Variants in SCARB1 observed in about 807,000 individuals in gnomAD.
SCARB1 encodes the protein CD36 and LIMPII analogous 1.
SCARB1 carries 30 observed loss-of-function variants against 57.2 expected under a neutral mutation model. The ratio of observed to expected loss-of-function variants is 0.52; its 90% CI spans 0.39 to 0.71. The LOEUF is 0.71. SCARB1 is among the 30% of genes least tolerant of loss of function. The pLI, the probability that SCARB1 is intolerant of heterozygous loss-of-function variation, is 0.00. For synonymous variants in SCARB1, 249 were observed against 268.3 expected, an observed-to-expected ratio of 0.93 and a Z score of 0.70; for missense variants, 543 against 671.2, an observed-to-expected ratio of 0.81 and a Z score of 2.11.
At chr12:124,848,889 C>A (rs918914158) in intron 1 of SCARB1, among the ~76,000 whole-genome samples, 1 of 152,254 alleles carries the variant, frequency 6.6e-6, no homozygotes, top group Non-Finnish European at 1.5e-5. Context: ...TTTCAGCAAA[C>A]TGCTGACAGA....
At position 124,810,105 on chromosome 12, in the gene SCARB1, A is replaced by G. The variant is rs1950467386; in HGVS notation, c.842+69T>C. On this transcript the variant is annotated intron_variant, in intron 6 of 12. Transcript: ENST00000261693. The surrounding 1 kb of genome is among the most constrained non-coding windows in gnomAD (Gnocchi z 4.0). Reference sequence around the variant, plus strand: ...GAGTCAAAATGCTTTCCAAGTGCACAGCCAACACCACAGAATTTGGCCATG... The same window carrying G: ...GAGTCAAAATGCTTTCCAAGTGCACGGCCAACACCACAGAATTTGGCCATG... 2 of 962,122 alleles carry G rather than the reference A, an allele frequency of 2.1e-6. No homozygotes were observed. The highest frequency in any genetic ancestry group is 2.6e-5 in the South Asian group (2 of 76,108). 59.6% of individuals were successfully genotyped at this position (962,122 alleles called of 1,614,324 possible).
intron 11 of SCARB1, chr12:124,785,978 CT>C: frequency 2.3e-6 from 3 of 1,296,812 alleles, no homozygotes; most frequent in Non-Finnish European, 3.1e-6. Flanking sequence ...CTCAATCCCC[CT>C]GAGCAGGGAT....
At chr12:124,859,024 G>A (rs961301661) in intron 1 of SCARB1, among the ~76,000 whole-genome samples, 5 of 152,250 alleles carry the variant, frequency 3.3e-5, no homozygotes, top group Admixed American at 2.6e-4. Flanking sequence ...ATAGGTGCAT[G>A]CCACCATGCA....
At chr12:124,844,890 A>G (rs1952078666) in intron 1 of SCARB1, among the ~76,000 whole-genome samples, 1 of 145,840 alleles carries the variant, frequency 6.9e-6, no homozygotes, top group African/African-American at 2.6e-5. Flanking sequence ...ATCTCGGCTC[A>G]CTGCAACCTC....
chr12:124,779,509 G>A (rs568443602), intron 12 of SCARB1, among the ~76,000 whole-genome samples: 4 of 152,320 alleles, frequency 2.6e-5, no homozygotes, highest in Admixed American at 2.6e-4. Flanking sequence ...CCCAGGGAAC[G>A]AGTGAAACCA....
chr12:124,789,867 C>T lies in SCARB1; in HGVS notation c.1203-2410G>A, dbSNP rs556344341. On this transcript the variant is annotated intron_variant, in intron 9 of 12. Transcript: ENST00000261693. This position sits in a 1 kb window ranked among gnomAD's most constrained non-coding sequence, Gnocchi z 4.4. ...CTCTACTAAAAATATAAAAATTGGCCGGACGTGGTGGCACATGCCTGTAAT... is the reference window on the plus strand; with the variant it reads ...CTCTACTAAAAATATAAAAATTGGCTGGACGTGGTGGCACATGCCTGTAAT... 1.3e-5 allele frequency among the ~76,000 whole-genome samples: 2 copies of T among 151,576 alleles called. No individual in the cohort carries two copies. The highest frequency in any genetic ancestry group is 6.6e-5 in the Admixed American group (1 of 15,230).
In SCARB1 at chr12:124,807,701, C is replaced by T; in HGVS notation, c.1009+60G>A. 1 of 1,553,274 alleles carries T rather than the reference C, an allele frequency of 6.4e-7. No individual in the cohort carries two copies. On this transcript the variant is annotated intron_variant, in intron 7 of 12. Transcript: ENST00000261693. The surrounding 1 kb of genome is among the most constrained non-coding windows in gnomAD (Gnocchi z 5.3). ...AAGCAGACAGCACTGGGCAGATAAA[C>T]CCTCAGCTGGCCCCACCCTCACACC...
At chr12:124,799,494 C>A (rs766362482) in intron 8 of SCARB1, among the ~76,000 whole-genome samples, 4 of 151,792 alleles carry the variant, frequency 2.6e-5, no homozygotes, top group Non-Finnish European at 5.9e-5. Context: ...GCCACTGCAC[C>A]CCAGCCTGGG....
chr12:124,853,376 G>A (rs1952498506), intron 1 of SCARB1, among the ~76,000 whole-genome samples: 1 of 146,784 alleles, frequency 6.8e-6, no homozygotes, highest in African/African-American at 2.5e-5. Context: ...AAATGATCCA[G>A]TTTGCATAGT....
At chr12:124,831,311 T>C (rs574093703) in intron 1 of SCARB1, among the ~76,000 whole-genome samples, 149 of 152,040 alleles carry the variant, frequency 9.8e-4, no homozygotes, top group African/African-American at 3.5e-3. Context: ...AATGGGGTTT[T>C]ACCATGTCGG....
At chr12:124,799,084 T>G (rs1950047017) in intron 8 of SCARB1, among the ~76,000 whole-genome samples, 1 of 152,202 alleles carries the variant, frequency 6.6e-6, no homozygotes, top group Non-Finnish European at 1.5e-5. Flanking sequence ...CAGTAGATTT[T>G]AAATGTTCTC....
chr12:124,852,587 G>A (rs777609089), intron 1 of SCARB1, among the ~76,000 whole-genome samples: 7 of 152,250 alleles, frequency 4.6e-5, no homozygotes, highest in Non-Finnish European at 7.3e-5. Flanking sequence ...AAGGTCCTAC[G>A]CTAGGTGGTT....
At position 124,803,922 on chromosome 12, in the gene SCARB1, A is replaced by G. The variant is rs186728223; in HGVS notation, c.1010-3680T>C. Among the ~76,000 whole-genome samples the G allele has an allele frequency of 1.6e-3, 250 of 152,280 alleles. 2 individuals carry two copies. The highest frequency in any genetic ancestry group is 5.6e-3 in the African/African-American group (233 of 41,568). ...ATATAAGAAAAAACTCTATTTAAAT[A>G]AAGATTTTAAAATTCCTTTGCGCTT... On this transcript the variant is annotated intron_variant, in intron 7 of 12. Coordinates refer to ENST00000261693, the MANE Select transcript of SCARB1 (RefSeq NM_005505.5).
chr12:124,814,142 G>T lies in SCARB1; in HGVS notation c.630+60C>A. 6.7e-7 allele frequency: 1 copy of T among 1,488,966 alleles called. No homozygotes were observed. Among genetic ancestry groups the T allele is most frequent in the African/African-American group, 1.4e-5 (1 of 72,484 alleles). The allele number at this position is 1,488,966 out of a possible 1,614,324, so 92.2% of individuals were successfully genotyped here. On this transcript the variant is annotated intron_variant, in intron 4 of 12. Transcript: ENST00000261693. The surrounding 1 kb of genome is among the most constrained non-coding windows in gnomAD (Gnocchi z 4.7). ...CAAGCTGGTGACCAGTGTCCAGGCT[G>T]TGTGAGGGGAAGACAGGACACAGGC...
intron 1 of SCARB1, among the ~76,000 whole-genome samples, chr12:124,828,863 C>A (rs1407635939): frequency 6.6e-6 from 1 of 152,208 alleles, no homozygotes; most frequent in Admixed American, 6.5e-5. Context: ...ACCAAATGAG[C>A]CAAGAAGCCA....
rs568523490 is a variant in SCARB1 at position 124,829,561 on chromosome 12, C to T, written c.127-11854G>A. 2.3e-3 allele frequency among the ~76,000 whole-genome samples: 357 copies of T among 152,252 alleles called. 1 individual carries two copies. Among genetic ancestry groups the T allele is most frequent in the Non-Finnish European group, 3.5e-3 (236 of 68,012 alleles). On this transcript the variant is annotated intron_variant, in intron 1 of 12. Coordinates refer to ENST00000261693, the MANE Select transcript of SCARB1 (RefSeq NM_005505.5). ...ATTCCTATCTGCCTCGCTCACTCTGCTCCAGCCACACTGGCCTTGCTGTGC... is the reference window on the plus strand; with the variant it reads ...ATTCCTATCTGCCTCGCTCACTCTGTTCCAGCCACACTGGCCTTGCTGTGC...
chr12:124,843,117 G>A (rs752207944), intron 1 of SCARB1, among the ~76,000 whole-genome samples: 13 of 152,158 alleles, frequency 8.5e-5, no homozygotes, highest in African/African-American at 3.1e-4. Flanking sequence ...CTCTTTTTCC[G>A]TACACTTTTA....
intron 1 of SCARB1, among the ~76,000 whole-genome samples, chr12:124,856,136 A>C (rs1427551309): frequency 2.6e-5 from 4 of 152,264 alleles, no homozygotes; most frequent in African/African-American, 9.6e-5. Flanking sequence ...TGGCCCCAGA[A>C]AGGCCAACCA....
At chr12:124,850,907 C>G (rs1247657693) in intron 1 of SCARB1, among the ~76,000 whole-genome samples, 1 of 152,146 alleles carries the variant, frequency 6.6e-6, no homozygotes, top group Non-Finnish European at 1.5e-5. Context: ...CGACAACAGC[C>G]CCTCCTTTTT....
Sources: allele counts gnomAD v4.1 joint callset (sites outside exome capture counted in the v4.1 genomes callset), GRCh38; gene constraint gnomAD v4.1.1; non-coding constraint Gnocchi (gnomAD v3.1); transcripts MANE v1.5; gene names NCBI Gene and HGNC (gene_info 2026-07-23, HGNC 2026-07-21).